Variants in GRXCR1 observed in about 807,000 individuals in gnomAD.
GRXCR1 encodes the protein glutaredoxin and cysteine rich domain containing 1.
GRXCR1 carries 27 observed loss-of-function variants against 27.3 expected under a neutral mutation model. That is an observed-to-expected ratio of 0.99 (90% CI 0.73 to 1.37). The LOEUF (loss-of-function observed/expected upper bound fraction) is 1.37. Among genes scored for constraint, GRXCR1 ranks in the 40% most tolerant of loss-of-function variants. The pLI is 0.00. For synonymous variants in GRXCR1, 122 were observed against 131.1 expected (o/e 0.93, Z 0.47); for missense variants, 379 against 354.4 (o/e 1.07, Z -0.56).
chr4:42,985,119 G>A (rs938930189), intron 2 of GRXCR1, among the ~76,000 whole-genome samples: 2 of 152,110 alleles, frequency 1.3e-5, no homozygotes, highest in African/African-American at 4.8e-5. Context: ...TTCAATGCAT[G>A]TTTTCTGGTT....
chr4:42,902,345 A>C (rs528707575), intron 1 of GRXCR1, among the ~76,000 whole-genome samples: 1 of 152,328 alleles, frequency 6.6e-6, no homozygotes, highest in South Asian at 2.1e-4. Flanking sequence ...CATCAGCCTC[A>C]GAGGACTCCA....
At chr4:42,965,989 T>C (rs1386097486) in intron 2 of GRXCR1, among the ~76,000 whole-genome samples, 2 of 151,890 alleles carry the variant, frequency 1.3e-5, no homozygotes, top group Non-Finnish European at 2.9e-5. Flanking sequence ...TTTTTCCTGA[T>C]GACTCTCTTC....
At chr4:43,023,425 C>T (rs1374510341) in intron 3 of GRXCR1, among the ~76,000 whole-genome samples, 1 of 152,140 alleles carries the variant, frequency 6.6e-6, no homozygotes, top group Non-Finnish European at 1.5e-5. Flanking sequence ...CACCAAGAAT[C>T]TTATCATATA....
intron 2 of GRXCR1, among the ~76,000 whole-genome samples, chr4:43,002,741 T>C (rs1487247324): frequency 6.6e-6 from 1 of 152,198 alleles, no homozygotes; most frequent in Non-Finnish European, 1.5e-5. Flanking sequence ...TACCCTTTTA[T>C]CCAGCTTAAA....
intron 2 of GRXCR1, among the ~76,000 whole-genome samples, chr4:42,967,401 A>G (rs1323640170): frequency 6.6e-6 from 1 of 152,048 alleles, no homozygotes; most frequent in Non-Finnish European, 1.5e-5. Context: ...CTATAAATCT[A>G]TACTGTTCTA....
intron 3 of GRXCR1, among the ~76,000 whole-genome samples, chr4:43,027,588 T>A (rs1004680588): frequency 2.0e-5 from 3 of 152,224 alleles, no homozygotes; most frequent in African/African-American, 7.2e-5. Context: ...GTGCCACACA[T>A]AGACAAGGAG....
intron 2 of GRXCR1, among the ~76,000 whole-genome samples, chr4:42,964,822 C>T (rs1392813874): frequency 1.3e-5 from 2 of 152,140 alleles, no homozygotes; most frequent in African/African-American, 4.8e-5. Context: ...TCATCATATT[C>T]TTTTGTTCTC....
intron 2 of GRXCR1, among the ~76,000 whole-genome samples, chr4:43,011,490 C>T (rs886525250): frequency 6.6e-6 from 1 of 152,144 alleles, no homozygotes; most frequent in Non-Finnish European, 1.5e-5. Flanking sequence ...CGTACCTTCC[C>T]CATGACCCTT....
At chr4:43,013,564 C>T (rs560757282) in intron 2 of GRXCR1, among the ~76,000 whole-genome samples, 2 of 152,160 alleles carry the variant, frequency 1.3e-5, no homozygotes, top group East Asian at 3.9e-4. Flanking sequence ...TCAGTTATAC[C>T]CCAAACTTCA....
intron 3 of GRXCR1, among the ~76,000 whole-genome samples, chr4:43,027,875 C>T (rs1280203894): frequency 6.6e-6 from 1 of 151,950 alleles, no homozygotes. Flanking sequence ...TTTGGGAGGC[C>T]GAGGTGGGTG....
intron 2 of GRXCR1, among the ~76,000 whole-genome samples, chr4:43,015,843 A>G (rs1165062463): frequency 6.6e-6 from 1 of 151,752 alleles, no homozygotes; most frequent in Non-Finnish European, 1.5e-5. Flanking sequence ...TAAAATTTAT[A>G]TTTCTTTTTG....
intron 2 of GRXCR1, among the ~76,000 whole-genome samples, chr4:42,977,493 A>G (rs1431941243): frequency 6.6e-6 from 1 of 151,282 alleles, no homozygotes; most frequent in Non-Finnish European, 1.5e-5. Flanking sequence ...TTTGCCTAAT[A>G]TTAGCCATTC....
rs760301343 is a variant in GRXCR1 at position 43,030,554 on chromosome 4, C to G, written c.*14C>G. The G allele has an allele frequency of 3.1e-6, 5 of 1,607,838 alleles. No homozygotes were observed. Among genetic ancestry groups the G allele is most frequent in the Non-Finnish European group, 4.3e-6 (5 of 1,174,410 alleles). On this transcript the variant is annotated 3_prime_UTR_variant, in exon 4 of 4. Transcript: ENST00000399770. ...TGTGCTGGTTAATTGGAGCTTCTAC[C>G]CAGGAAAAACCTCATTTTATTAATC...
intron 1 of GRXCR1, among the ~76,000 whole-genome samples, chr4:42,901,221 G>A (rs1382353686): frequency 3.9e-5 from 6 of 152,060 alleles, no homozygotes; most frequent in Admixed American, 3.3e-4. Flanking sequence ...CTACTCACCC[G>A]GTGTATTAGT....
At chr4:43,025,782 C>G (rs975012093) in intron 3 of GRXCR1, among the ~76,000 whole-genome samples, 4 of 152,184 alleles carry the variant, frequency 2.6e-5, no homozygotes, top group African/African-American at 9.6e-5. Context: ...CGAGACCATC[C>G]TGGCTAACAC....
chr4:43,002,995 G>GATAGTGAGTGAGTGCTCAAA (rs1577940454), intron 2 of GRXCR1, among the ~76,000 whole-genome samples: 1 of 152,284 alleles, frequency 6.6e-6, no homozygotes, highest in East Asian at 1.9e-4. Context: ...GAGTGCTCAA[G>GATAGTGAGTGAGTGCTCAAA]AGATATGATG....
At chr4:42,926,977 G>A (rs1747171137) in intron 1 of GRXCR1, among the ~76,000 whole-genome samples, 1 of 152,038 alleles carries the variant, frequency 6.6e-6, no homozygotes, top group Non-Finnish European at 1.5e-5. Context: ...TAGACTATAA[G>A]CTCTGGAGTT....
At chr4:43,018,155 C>T (rs1365194624) in intron 2 of GRXCR1, among the ~76,000 whole-genome samples, 2 of 152,036 alleles carry the variant, frequency 1.3e-5, no homozygotes, top group African/African-American at 4.8e-5. Context: ...GACATGGGAC[C>T]CAGTAGGGAA....
intron 1 of GRXCR1, among the ~76,000 whole-genome samples, chr4:42,948,611 C>T (rs970836209): frequency 1.3e-5 from 2 of 152,076 alleles, no homozygotes; most frequent in Admixed American, 6.6e-5. Flanking sequence ...CGCCCCCACC[C>T]GCACCCTGCC....
Sources: gnomAD v4.1 joint callset for allele counts (sites outside exome capture counted in the v4.1 genomes callset) on GRCh38, gnomAD v4.1.1 for gene constraint, MANE v1.5 for transcripts, NCBI Gene and HGNC (gene_info 2026-07-23, HGNC 2026-07-21) for gene names.